ATAD2B: variants seen among roughly 807,000 people sequenced by gnomAD.
ATAD2B encodes the protein ATPase family AAA domain-containing protein 2B.
In ATAD2B, 40 loss-of-function variants were observed where a neutral mutation model predicts 167.6. The ratio of observed to expected loss-of-function variants is 0.24; its 90% CI spans 0.19 to 0.31. The LOEUF is 0.31. ATAD2B is among the 10% of genes least tolerant of loss of function. The probability of loss-of-function intolerance (pLI) is 1.00; values close to 1 mark genes in which losing one functional copy is unlikely to be tolerated. For missense variants in ATAD2B, 1,242 were observed against 1,757.2 expected, an observed-to-expected ratio of 0.71 and a Z score of 5.24; for synonymous variants, 579 against 596.5, an observed-to-expected ratio of 0.97 and a Z score of 0.43.
At chr2:23,852,269 T>C (rs1031694271) in intron 13 of ATAD2B, among the ~76,000 whole-genome samples, 8 of 151,856 alleles carry the variant, frequency 5.3e-5, no homozygotes, top group South Asian at 2.1e-4. Flanking sequence ...TTTCAGAAAA[T>C]AGAGAAAGAG....
chr2:23,773,242 A>T (rs1678606006), intron 22 of ATAD2B, among the ~76,000 whole-genome samples: 1 of 152,194 alleles, frequency 6.6e-6, no homozygotes. Flanking sequence ...ATGTTGGCTC[A>T]CATCTGTAAT....
chr2:23,910,720 T>G (rs56104215), intron 1 of ATAD2B, among the ~76,000 whole-genome samples: 12 of 150,412 alleles, frequency 8.0e-5, no homozygotes, highest in African/African-American at 1.2e-4. Flanking sequence ...ATACAAAAAT[T>G]AGCTGGGCGT....
intron 13 of ATAD2B, among the ~76,000 whole-genome samples, chr2:23,839,298 A>G (rs943808776): frequency 6.6e-6 from 1 of 152,162 alleles, no homozygotes; most frequent in African/African-American, 2.4e-5. Flanking sequence ...AAGTGTTCAT[A>G]GCAAAACAAA....
chr2:23,731,236 A>G, the ATAD2B span, among the ~76,000 whole-genome samples: 4 of 152,376 alleles, frequency 2.6e-5, no homozygotes, highest in South Asian at 8.3e-4. Flanking sequence ...ACTAGTTAAT[A>G]AAGGCAAAGA....
rs556774553 is a variant in ATAD2B, at chr2:23,899,303, C to CAA, written c.217-3335_217-3334dup. On this transcript the variant is annotated intron_variant, in intron 1 of 27. Transcript: ENST00000238789. ...TGGGCGAAAGAGCAAGACCCCATCT[C>CAA]AAAAAAAAAAAAAAAAAAGCCACAA... is the stretch of plus-strand genomic sequence containing the variant. Among the ~76,000 whole-genome samples, 582 of 67,262 alleles carry CAA rather than the reference C, an allele frequency of 8.7e-3. 14 individuals carry two copies. Among genetic ancestry groups the CAA allele is most frequent in the African/African-American group, 0.023 (366 of 16,198 alleles). 44.1% of individuals were successfully genotyped at this position (67,262 alleles called of 152,430 possible).
intron 13 of ATAD2B, chr2:23,856,014 C>A (rs933433880): frequency 2.0e-5 from 3 of 152,150 alleles, no homozygotes; most frequent in African/African-American, 7.3e-5. Context: ...TGGTGAAACC[C>A]AGTCTCTACT....
chr2:23,688,643 G>C, the ATAD2B span: 1 of 151,778 alleles, frequency 6.6e-6, no homozygotes, highest in African/African-American at 2.4e-5. Flanking sequence ...CTGGTCTTCT[G>C]ACAGACCCCA....
At chr2:23,926,458 TC>T in intron 1 of ATAD2B, 96 bp downstream of exon 1, 6 of 1,453,012 alleles carry the variant, frequency 4.1e-6, no homozygotes, top group African/African-American at 1.4e-5. Flanking sequence ...CCGAGCGGTC[TC>T]CACTGTAGGC....
At chr2:23,818,772 T>C (rs893801335) in intron 17 of ATAD2B, among the ~76,000 whole-genome samples, 1 of 152,218 alleles carries the variant, frequency 6.6e-6, no homozygotes, top group Admixed American at 6.5e-5. Flanking sequence ...GCTAATTATG[T>C]AAATGCAAGT....
chr2:23,826,569 G>A (rs1469462602), intron 15 of ATAD2B, among the ~76,000 whole-genome samples: 1 of 152,032 alleles, frequency 6.6e-6, no homozygotes. Flanking sequence ...GCTAGAAATT[G>A]TTCTAAAAAG....
intron 1 of ATAD2B, among the ~76,000 whole-genome samples, chr2:23,920,091 C>T (rs1037094068): frequency 6.6e-6 from 1 of 150,820 alleles, no homozygotes; most frequent in Middle Eastern, 3.4e-3. Context: ...GCGGAGGTTG[C>T]AGTGAGGCGA....
chr2:23,847,306 C>A (rs1221317652), intron 13 of ATAD2B, among the ~76,000 whole-genome samples: 7 of 150,160 alleles, frequency 4.7e-5, no homozygotes, highest in Non-Finnish European at 8.9e-5. Context: ...GAGTTCGAGA[C>A]CAGCCTGACC....
At chr2:23,710,459 C>T in the ATAD2B span, among the ~76,000 whole-genome samples, 20 of 152,270 alleles carry the variant, frequency 1.3e-4, no homozygotes, top group African/African-American at 4.3e-4. Flanking sequence ...CCGTGAACCC[C>T]GTGAGCAGTG....
At chr2:23,830,870 T>A (rs1039761329) in intron 14 of ATAD2B, among the ~76,000 whole-genome samples, 5 of 151,454 alleles carry the variant, frequency 3.3e-5, no homozygotes, top group Non-Finnish European at 7.4e-5. Context: ...AAAAAAAAAA[T>A]TATGCTGGAA....
intron 16 of ATAD2B, 21 bp downstream of exon 16, chr2:23,823,237 T>C: frequency 6.4e-7 from 1 of 1,561,818 alleles, no homozygotes; most frequent in Non-Finnish European, 8.7e-7. Context: ...CTTAACAATA[T>C]AAAAAAGTAG....
chr2:23,696,226 G>T, the ATAD2B span: 1 of 1,492,650 alleles, frequency 6.7e-7, no homozygotes, highest in African/African-American at 1.4e-5. This position sits in a 1 kb window ranked among gnomAD's most constrained non-coding sequence, Gnocchi z 5.5. Context: ...TGGCCCAGAA[G>T]TGTCTACTTT....
intron 23 of ATAD2B, among the ~76,000 whole-genome samples, chr2:23,764,414 A>AT (rs1677137906): frequency 6.6e-6 from 1 of 152,232 alleles, no homozygotes; most frequent in Non-Finnish European, 1.5e-5. Flanking sequence ...AATCTAATTC[A>AT]TAGGTCTAAG....
the ATAD2B span, among the ~76,000 whole-genome samples, chr2:23,678,322 C>T: frequency 1.1e-4 from 17 of 152,128 alleles, no homozygotes; most frequent in Non-Finnish European, 1.6e-4. Flanking sequence ...GGGTTTGAGA[C>T]GGGTCGTTAG....
At chr2:23,777,738 G>A (rs1485158225) in intron 22 of ATAD2B, among the ~76,000 whole-genome samples, 1 of 152,116 alleles carries the variant, frequency 6.6e-6, no homozygotes, top group African/African-American at 2.4e-5. Flanking sequence ...TGAACTGCAA[G>A]ACCGAGAATG....
Sources: allele counts gnomAD v4.1 joint callset (sites outside exome capture counted in the v4.1 genomes callset), GRCh38; gene constraint gnomAD v4.1.1; non-coding constraint Gnocchi (gnomAD v3.1); transcripts MANE v1.5; gene names NCBI Gene and HGNC (gene_info 2026-07-23, HGNC 2026-07-21).